Variants in TBCD observed in about 807,000 individuals in gnomAD.
The protein encoded by TBCD is tubulin folding cofactor D, also known as tubulin-specific chaperone D.
A neutral mutation model predicts 169.3 loss-of-function variants in TBCD; 105 were observed. The ratio of observed to expected loss-of-function variants is 0.62; its 90% CI spans 0.53 to 0.73. TBCD has a LOEUF of 0.73. Among genes scored for constraint, TBCD ranks in the 30% least tolerant of loss-of-function variants. TBCD has a pLI of 0.00. For missense variants in TBCD, 1,444 were observed against 1,600.1 expected (o/e 0.90, Z 1.66); for synonymous variants, 700 against 643.9 (o/e 1.09, Z -1.32).
rs1210801490 is a variant in TBCD, at chr17:82,945,758, A to T, written c.*3295A>T. 6.6e-6 allele frequency: 1 copy of T among 152,170 alleles called. No individual in the cohort carries two copies. Among genetic ancestry groups the T allele is most frequent in the African/African-American group, 2.4e-5 (1 of 41,416 alleles). The allele number at this position is 152,170 out of a possible 1,614,324, so 9.4% of individuals were successfully genotyped here. ...CCCAGCTGTGACAAAAAGAAAAAAAAATGTCTCCAGACACTGCCAAATATC... is the reference window on the plus strand; with the variant it reads ...CCCAGCTGTGACAAAAAGAAAAAAATATGTCTCCAGACACTGCCAAATATC... On this transcript the variant is annotated 3_prime_UTR_variant, in exon 39 of 39. Transcript: ENST00000355528.
At chr17:82,754,119 C>T (rs183412964) in intron 1 of TBCD, among the ~76,000 whole-genome samples, 1 of 152,024 alleles carries the variant, frequency 6.6e-6, no homozygotes, top group Non-Finnish European at 1.5e-5. Context: ...TCGTGATCCA[C>T]CCGCCTCAGC....
At chr17:82,909,198 CT>C (rs1283040110) in intron 21 of TBCD, 86 bp from the exon 22 acceptor site, 1 of 1,164,146 alleles carries the variant, frequency 8.6e-7, no homozygotes, top group African/African-American at 1.5e-5. Context: ...GCCATTTTCT[CT>C]TTGTTCTTGT....
intron 17 of TBCD, among the ~76,000 whole-genome samples, chr17:82,896,848 T>G (rs2059523103): frequency 6.6e-6 from 1 of 152,002 alleles, no homozygotes; most frequent in Non-Finnish European, 1.5e-5. Flanking sequence ...GGGTCCGGGA[T>G]CTGGGGTCCT....
chr17:82,898,640 A>T (rs1447955721), intron 17 of TBCD, among the ~76,000 whole-genome samples: 6 of 136,920 alleles, frequency 4.4e-5, no homozygotes, highest in African/African-American at 1.6e-4. Context: ...TTGTTTTTTC[A>T]GATTTGTTGT....
chr17:82,763,916 C>A (rs960207644), intron 2 of TBCD, 49 bp from the exon 3 acceptor site: 1 of 1,529,900 alleles, frequency 6.5e-7, no homozygotes. Flanking sequence ...GCCTCAATGT[C>A]ATGTTGATGT....
At chr17:82,940,567 C>T (rs1340652166) in intron 37 of TBCD, among the ~76,000 whole-genome samples, 2 of 152,168 alleles carry the variant, frequency 1.3e-5, no homozygotes, top group Non-Finnish European at 2.9e-5. Context: ...GCTGTGGCCT[C>T]GGAGGACAGA....
In TBCD at chr17:82,939,551, G is replaced by C. The variant is rs372283604; in HGVS notation, c.3479+75G>C. 5.0e-6 allele frequency: 6 copies of C among 1,201,786 alleles called. No individual in the cohort carries two copies. In the South Asian group the frequency reaches 5.2e-5, roughly 10 times the overall value. 74.4% of individuals were successfully genotyped at this position (1,201,786 alleles called of 1,614,324 possible). On this transcript the variant is annotated intron_variant, in intron 37 of 38. Transcript: ENST00000355528. Reference sequence around the variant, plus strand: ...CTTCCTGTCCCCACCGTGTCTACTCGTCTCTCCCAAAACCCTCTGATAGGA... The same window carrying C: ...CTTCCTGTCCCCACCGTGTCTACTCCTCTCTCCCAAAACCCTCTGATAGGA...
At chr17:82,892,465 C>T (rs1031941753) in intron 16 of TBCD, among the ~76,000 whole-genome samples, 1 of 152,170 alleles carries the variant, frequency 6.6e-6, no homozygotes, top group Non-Finnish European at 1.5e-5. Context: ...CCCAAGCTCC[C>T]AGTGTAACCC....
chr17:82,934,386 C>T (rs572862546), intron 34 of TBCD, among the ~76,000 whole-genome samples: 4 of 151,424 alleles, frequency 2.6e-5, no homozygotes, highest in Admixed American at 1.3e-4. Flanking sequence ...GACCTTCTTA[C>T]ACCTGCTGTT....
chr17:82,824,309 G>A (rs1042714873), intron 13 of TBCD, among the ~76,000 whole-genome samples: 2 of 151,776 alleles, frequency 1.3e-5, no homozygotes, highest in African/African-American at 2.4e-5. Flanking sequence ...AGCCTCCTGA[G>A]TAGCTGGGAC....
At position 82,770,392 on chromosome 17, in the gene TBCD, G is replaced by A. The variant is rs139946369; in HGVS notation, c.582+1826G>A. ...AGGTGGGCATATCACCTGAGGTCAG[G>A]AATTCGAGACCAGCCTGACCAACAT... On this transcript the variant is annotated intron_variant, in intron 5 of 38. Coordinates refer to ENST00000355528, the MANE Select transcript of TBCD (RefSeq NM_005993.5). Among the ~76,000 whole-genome samples, 1,205 of 152,122 alleles carry A rather than the reference G, an allele frequency of 7.9e-3. 13 individuals are homozygous for A. The highest frequency in any genetic ancestry group is 0.027 in the African/African-American group (1,111 of 41,490).
chr17:82,869,758 G>A (rs927296987), intron 13 of TBCD, among the ~76,000 whole-genome samples: 1 of 152,078 alleles, frequency 6.6e-6, no homozygotes, highest in Non-Finnish European at 1.5e-5. Flanking sequence ...GCATCCCCTG[G>A]GACGCTCTGC....
chr17:82,915,341 G>A lies in TBCD; in HGVS notation c.2038+3552G>A, dbSNP rs536713499. Among the ~76,000 whole-genome samples, 8 of 152,276 alleles carry A rather than the reference G, an allele frequency of 5.3e-5. No homozygotes were observed. The South Asian group carries it at 1.2e-3, about 24-fold the overall frequency. ...AAAAGTGGCTCAACCCTTGGGAGTC[G>A]TCTGCGTCCCCATATCAAAGAAATG... is the stretch of plus-strand genomic sequence containing the variant. On this transcript the variant is annotated intron_variant, in intron 23 of 38. Coordinates refer to ENST00000355528, the MANE Select transcript of TBCD (RefSeq NM_005993.5). The surrounding 1 kb of genome is among the most constrained non-coding windows in gnomAD (Gnocchi z 4.3).
intron 6 of TBCD, 150 bp downstream of exon 6, chr17:82,772,657 G>GC (rs1598424574): frequency 1.2e-6 from 1 of 853,152 alleles, no homozygotes; most frequent in East Asian, 2.4e-5. Context: ...GGAGTGTGCA[G>GC]CAGTGTTTGG....
chr17:82,782,050 C>T lies in TBCD; in HGVS notation c.771+329C>T, dbSNP rs561529357. On this transcript the variant is annotated intron_variant, in intron 7 of 38. Transcript: ENST00000355528. This position sits in a 1 kb window ranked among gnomAD's most constrained non-coding sequence, Gnocchi z 5.1. ...TTCCTGTTTAAGTGCAGAGACTGAACGAGCTCTAATAAAACAAGGTGGGTG... is the reference window on the plus strand; with the variant it reads ...TTCCTGTTTAAGTGCAGAGACTGAATGAGCTCTAATAAAACAAGGTGGGTG... Among the ~76,000 whole-genome samples the T allele has an allele frequency of 2.0e-4, 30 of 152,334 alleles. No homozygotes were observed. In the South Asian group the frequency reaches 5.0e-3, roughly 25 times the overall value.
intron 21 of TBCD, among the ~76,000 whole-genome samples, chr17:82,908,938 C>T (rs1226937899): frequency 6.6e-6 from 1 of 152,270 alleles, no homozygotes; most frequent in East Asian, 1.9e-4. Flanking sequence ...GAAACATCAG[C>T]ATCCTGTTTG....
rs1241459519 is a variant in TBCD at position 82,832,781 on chromosome 17, G to A, written c.1318+17847G>A. On this transcript the variant is annotated intron_variant, in intron 13 of 38. Transcript: ENST00000355528. This position sits in a 1 kb window ranked among gnomAD's most constrained non-coding sequence, Gnocchi z 4.9. The stretch of plus-strand genomic sequence containing the variant: ...CCTGCTCCTGAGGGGAGCAGCTGCC[G>A]GTCACAGAAGCAGCCCTGCCCTACC... 7.0e-6 allele frequency: 3 copies of A among 430,098 alleles called. No individual in the cohort carries two copies. Among genetic ancestry groups the A allele is most frequent in the African/African-American group, 4.0e-5 (2 of 50,054 alleles). The allele number at this position is 430,098 out of a possible 1,614,324, so 26.6% of individuals were successfully genotyped here. A position where few individuals can be genotyped will look rare whatever the true frequency, so the allele number is the denominator to read the frequency against.
chr17:82,941,236 C>T (rs551560471), intron 37 of TBCD, among the ~76,000 whole-genome samples, 163 bp from the exon 38 acceptor site: 6 of 152,364 alleles, frequency 3.9e-5, no homozygotes, highest in East Asian at 3.9e-4. Context: ...TGCTGGAGAA[C>T]GTGCTCCTGT....
At chr17:82,754,896 G>T (rs1232479237) in intron 1 of TBCD, among the ~76,000 whole-genome samples, 3 of 152,232 alleles carry the variant, frequency 2.0e-5, no homozygotes, top group Non-Finnish European at 2.9e-5. Flanking sequence ...GAAGGGAGCA[G>T]TGCCTGGATA....
Sources: allele counts gnomAD v4.1 joint callset (sites outside exome capture counted in the v4.1 genomes callset), GRCh38; gene constraint gnomAD v4.1.1; non-coding constraint Gnocchi (gnomAD v3.1); transcripts MANE v1.5; gene names NCBI Gene and HGNC (gene_info 2026-07-23, HGNC 2026-07-21).